Variants in MTA3 observed in about 807,000 individuals in gnomAD.
The protein encoded by MTA3 is metastasis associated 1 family member 3, also known as metastasis-associated protein MTA3.
A neutral mutation model predicts 83.5 loss-of-function variants in MTA3; 34 were observed. The observed-to-expected ratio is 0.41, with a 90% confidence interval of 0.31 to 0.54. MTA3 has a LOEUF of 0.54. MTA3 is among the 20% of genes least tolerant of loss of function. MTA3 has a pLI of 0.33. For synonymous variants in MTA3, 303 were observed against 252.7 expected (o/e 1.20, Z -1.89); for missense variants, 761 against 726.4 (o/e 1.05, Z -0.55).
intron 16 of MTA3, chr2:42,723,308 A>G (rs1446251779): frequency 5.0e-6 from 2 of 402,142 alleles, no homozygotes; most frequent in African/African-American, 4.1e-5. Context: ...TCTGCTGGGT[A>G]ATAATGTTCT....
chr2:42,619,607 A>G (rs551284750), intron 4 of MTA3, among the ~76,000 whole-genome samples: 6 of 152,344 alleles, frequency 3.9e-5, no homozygotes, highest in African/African-American at 9.6e-5. Flanking sequence ...CAGTGATTCA[A>G]TGTAGTTCCA....
chr2:42,579,238 T>A, intron 3 of MTA3, 38 bp downstream of exon 3: 3 of 1,463,776 alleles, frequency 2.0e-6, no homozygotes, highest in Middle Eastern at 3.5e-4. Flanking sequence ...ACGTTTTAAG[T>A]CTTGTGTTTT....
chr2:42,606,880 C>T (rs1683497509), intron 3 of MTA3, among the ~76,000 whole-genome samples: 1 of 147,308 alleles, frequency 6.8e-6, no homozygotes, highest in East Asian at 2.0e-4. Context: ...GGGCTGGAGA[C>T]CGGCCTGGCC....
intron 16 of MTA3, among the ~76,000 whole-genome samples, chr2:42,736,965 G>GC (rs1668655603): frequency 6.6e-6 from 1 of 152,178 alleles, no homozygotes; most frequent in Non-Finnish European, 1.5e-5. Flanking sequence ...TGTGTCTGGT[G>GC]CCCCATCCTA....
At chr2:42,620,046 A>G (rs1394945565) in intron 4 of MTA3, among the ~76,000 whole-genome samples, 7 of 151,968 alleles carry the variant, frequency 4.6e-5, no homozygotes, top group Non-Finnish European at 1.5e-5. Context: ...ACCATTAACC[A>G]TATACAGTGG....
chr2:42,630,101 T>TA (rs1215215942), intron 4 of MTA3, among the ~76,000 whole-genome samples: 1 of 152,182 alleles, frequency 6.6e-6, no homozygotes, highest in African/African-American at 2.4e-5. Flanking sequence ...GATCCTTAAA[T>TA]AAAAGCCTTA....
At chr2:42,573,879 C>T (rs1017721671) in intron 2 of MTA3, among the ~76,000 whole-genome samples, 12 of 151,736 alleles carry the variant, frequency 7.9e-5, no homozygotes, top group African/African-American at 2.7e-4. Context: ...AGTGCAGTGG[C>T]GCAATCTCAG....
At chr2:42,507,030 G>A (rs904980733) in intron 2 of MTA3, among the ~76,000 whole-genome samples, 4 of 152,094 alleles carry the variant, frequency 2.6e-5, no homozygotes, top group African/African-American at 9.7e-5. Flanking sequence ...TCAGCCTCCC[G>A]AGTAGCTGGA....
intron 3 of MTA3, among the ~76,000 whole-genome samples, chr2:42,583,600 C>G (rs80111983): frequency 0.022 from 3,356 of 151,580 alleles, 112 homozygotes; most frequent in East Asian, 0.1. Flanking sequence ...GTGGCACAAT[C>G]TTGTCTCACT....
At chr2:42,634,767 G>A (rs1412417965) in intron 4 of MTA3, among the ~76,000 whole-genome samples, 4 of 151,942 alleles carry the variant, frequency 2.6e-5, no homozygotes, top group South Asian at 4.2e-4. Flanking sequence ...AACTCCTCTC[G>A]ATGGTGGCTT....
chr2:42,616,415 T>G, intron 4 of MTA3, among the ~76,000 whole-genome samples: 1 of 102,466 alleles, frequency 9.8e-6, no homozygotes, highest in East Asian at 2.4e-4. Context: ...CTTGAAGATC[T>G]CTTGTCTTTT....
intron 3 of MTA3, among the ~76,000 whole-genome samples, chr2:42,602,066 C>A (rs747217468): frequency 1.3e-5 from 2 of 152,236 alleles, no homozygotes; most frequent in African/African-American, 2.4e-5. Flanking sequence ...GTCTCGAACT[C>A]CTGACCTCAG....
intron 2 of MTA3, among the ~76,000 whole-genome samples, chr2:42,501,969 CTCTA>C (rs1371318523): frequency 6.6e-6 from 1 of 152,006 alleles, no homozygotes; most frequent in Non-Finnish European, 1.5e-5. Flanking sequence ...TAGAGTGAGA[CTCTA>C]TCTATCTCAA....
chr2:42,612,477 A>G (rs1684345793), intron 4 of MTA3, among the ~76,000 whole-genome samples: 1 of 152,270 alleles, frequency 6.6e-6, no homozygotes. Flanking sequence ...TGGCCTCCCA[A>G]AGTGCTGGGA....
intron 14 of MTA3, chr2:42,712,972 TCAC>T (rs1050918207): frequency 2.0e-5 from 3 of 152,288 alleles, no homozygotes; most frequent in African/African-American, 7.2e-5. Context: ...TTCAGAGACT[TCAC>T]CAAAGATCTA....
intron 2 of MTA3, among the ~76,000 whole-genome samples, chr2:42,558,894 A>T (rs1677530361): frequency 6.6e-6 from 1 of 151,578 alleles, no homozygotes; most frequent in African/African-American, 2.4e-5. Flanking sequence ...ACTCCAAACT[A>T]ATTAAATCAG....
At chr2:42,582,067 T>C (rs1679722603) in intron 3 of MTA3, among the ~76,000 whole-genome samples, 1 of 151,408 alleles carries the variant, frequency 6.6e-6, no homozygotes. Flanking sequence ...ATATTTTATC[T>C]TTTTTTTTGA....
chr2:42,556,943 A>G (rs544871785), intron 2 of MTA3, among the ~76,000 whole-genome samples: 11 of 152,268 alleles, frequency 7.2e-5, no homozygotes, highest in African/African-American at 2.4e-4. Flanking sequence ...GCCAGCCAAG[A>G]TCAAGGGCAG....
intron 4 of MTA3, among the ~76,000 whole-genome samples, chr2:42,621,446 G>C (rs1172637147): frequency 6.6e-6 from 1 of 152,206 alleles, no homozygotes; most frequent in Non-Finnish European, 1.5e-5. Context: ...ACCGGGTTGG[G>C]AGTAAGGTCA....
Sources: allele counts gnomAD v4.1 joint callset (sites outside exome capture counted in the v4.1 genomes callset), GRCh38; gene constraint gnomAD v4.1.1; transcripts MANE v1.5; gene names NCBI Gene and HGNC (gene_info 2026-07-23, HGNC 2026-07-21).